The following RPAP3 variants were observed in gnomAD, a reference collection of about 807,000 sequenced individuals.
The protein encoded by RPAP3 is RNA polymerase II-associated protein 3.
Under a neutral mutation model 88.8 loss-of-function variants are expected in RPAP3, and 58 were observed. That is an observed-to-expected ratio of 0.65 (90% confidence interval 0.53 to 0.81). The LOEUF is 0.81. RPAP3 is among the 40% of genes least tolerant of loss of function. RPAP3 has a pLI of 0.00. For missense variants in RPAP3, 751 were observed against 764.3 expected (o/e 0.98, Z 0.20); for synonymous variants, 255 against 259.9 (o/e 0.98, Z 0.18).
At chr12:47,701,978 C>T (rs575013820) in intron 2 of RPAP3, among the ~76,000 whole-genome samples, 1 of 152,274 alleles carries the variant, frequency 6.6e-6, no homozygotes, top group East Asian at 1.9e-4. Context: ...AAAAACCCAG[C>T]CATATTTAAA....
intron 13 of RPAP3, among the ~76,000 whole-genome samples, chr12:47,669,357 T>C (rs1194293249): frequency 6.6e-6 from 1 of 152,184 alleles, no homozygotes; most frequent in African/African-American, 2.4e-5. Flanking sequence ...TATCCACCTT[T>C]TGAGTATACC....
intron 15 of RPAP3, 70 bp downstream of exon 15, chr12:47,667,684 G>T: frequency 5.4e-6 from 4 of 743,166 alleles, no homozygotes; most frequent in Non-Finnish European, 6.7e-6. Context: ...AATTAAAATT[G>T]CAGTTTCCAA....
intron 5 of RPAP3, among the ~76,000 whole-genome samples, chr12:47,694,323 G>A: frequency 6.6e-6 from 1 of 152,214 alleles, no homozygotes; most frequent in East Asian, 1.9e-4. Flanking sequence ...ACGGGGGAAA[G>A]TAGGGCTATT....
chr12:47,703,696 T>C (rs1939704984), intron 1 of RPAP3, among the ~76,000 whole-genome samples: 1 of 150,772 alleles, frequency 6.6e-6, no homozygotes, highest in Admixed American at 6.6e-5. Context: ...GCAGGCAGAG[T>C]GAGGAATTAT....
intron 6 of RPAP3, among the ~76,000 whole-genome samples, chr12:47,689,807 C>T (rs1352484128): frequency 6.6e-6 from 1 of 152,044 alleles, no homozygotes; most frequent in Non-Finnish European, 1.5e-5. Context: ...TTTGGGAGGC[C>T]GAGGTGGGCA....
chr12:47,686,971 A>T (rs1219285266), intron 8 of RPAP3, 64 bp from the exon 9 acceptor site: 2 of 1,019,188 alleles, frequency 2.0e-6, no homozygotes, highest in Non-Finnish European at 1.4e-6. Context: ...AATGAATTCA[A>T]ATCTTATGAA....
At chr12:47,671,358 G>C (rs1173105679) in intron 12 of RPAP3, among the ~76,000 whole-genome samples, 1 of 152,140 alleles carries the variant, frequency 6.6e-6, no homozygotes, top group Non-Finnish European at 1.5e-5. Context: ...TTAGAAAAGA[G>C]AAGAAAACTT....
At chr12:47,678,188 C>T (rs1448414323) in intron 12 of RPAP3, among the ~76,000 whole-genome samples, 1 of 152,144 alleles carries the variant, frequency 6.6e-6, no homozygotes, top group Non-Finnish European at 1.5e-5. Context: ...GGAAAACTGG[C>T]TAGCCATATG....
chr12:47,680,093 T>C (rs1254705371), intron 10 of RPAP3, among the ~76,000 whole-genome samples: 2 of 152,122 alleles, frequency 1.3e-5, no homozygotes, highest in Non-Finnish European at 1.5e-5. Flanking sequence ...AAAATATTAA[T>C]AGAATAAGAG....
chr12:47,690,090 TTAAA>T (rs1939401207), intron 6 of RPAP3, among the ~76,000 whole-genome samples: 1 of 151,124 alleles, frequency 6.6e-6, no homozygotes, highest in Non-Finnish European at 1.5e-5. Context: ...CAAAATCCAA[TTAAA>T]TATCAGCTTT....
intron 12 of RPAP3, among the ~76,000 whole-genome samples, chr12:47,673,795 A>C (rs1249840647): frequency 6.6e-6 from 1 of 151,986 alleles, no homozygotes; most frequent in East Asian, 1.9e-4. Context: ...TTATTCTCTA[A>C]ATTATAATTT....
At chr12:47,690,449 A>G (rs1022156369) in intron 6 of RPAP3, 69 bp downstream of exon 6, 12 of 1,273,758 alleles carry the variant, frequency 9.4e-6, no homozygotes, top group Non-Finnish European at 1.3e-5. Context: ...GTGATTACTC[A>G]GTATTCTCCA....
At chr12:47,668,392 A>G (rs549584479) in intron 14 of RPAP3, among the ~76,000 whole-genome samples, 32 of 152,350 alleles carry the variant, frequency 2.1e-4, no homozygotes, top group African/African-American at 7.7e-4. Context: ...AAAGGCTCTC[A>G]AAGAGCAATA....
At chr12:47,689,950 G>GA (rs760551721) in intron 6 of RPAP3, among the ~76,000 whole-genome samples, 47 of 149,214 alleles carry the variant, frequency 3.1e-4, no homozygotes, top group Non-Finnish European at 5.8e-4. Context: ...CTGAGGCAGA[G>GA]AAAATCATTT....
intron 9 of RPAP3, among the ~76,000 whole-genome samples, chr12:47,682,894 A>G (rs1939253065): frequency 6.6e-6 from 1 of 152,154 alleles, no homozygotes; most frequent in Non-Finnish European, 1.5e-5. Flanking sequence ...TGATTATATC[A>G]TTCAAGATAC....
chr12:47,675,749 T>C (rs1939099756), intron 12 of RPAP3, among the ~76,000 whole-genome samples: 1 of 152,030 alleles, frequency 6.6e-6, no homozygotes, highest in African/African-American at 2.4e-5. Context: ...ATAAAGCAAG[T>C]CCTTAGAGAC....
In RPAP3 at chr12:47,685,347, CCAG is replaced by C. The variant is rs1259244155; in HGVS notation, c.992+1430_992+1432del. On this transcript the variant is annotated intron_variant, in intron 9 of 16. Coordinates refer to ENST00000005386, the MANE Select transcript of RPAP3 (RefSeq NM_024604.3). ...TGAGCCAAAATTACACCACTGCACT[CCAG>C]CCTGGGTGACAGAGGGGGACTCTGT... Among the ~76,000 whole-genome samples, 3 of 150,282 alleles carry C rather than the reference CCAG, an allele frequency of 2.0e-5. No homozygotes were observed. In the East Asian group the frequency reaches 5.8e-4, roughly 29 times the overall value.
chr12:47,667,717 G>C (rs936103197), intron 15 of RPAP3, 37 bp downstream of exon 15: 2 of 1,128,346 alleles, frequency 1.8e-6, no homozygotes, highest in Admixed American at 4.1e-5. Context: ...AACATTAAGT[G>C]AGGACTTACT....
intron 12 of RPAP3, among the ~76,000 whole-genome samples, chr12:47,673,067 A>G (rs1053467072): frequency 6.6e-6 from 1 of 152,204 alleles, no homozygotes; most frequent in Non-Finnish European, 1.5e-5. Flanking sequence ...GTAAATAAAT[A>G]TATGAAAATG....
Sources: gnomAD v4.1 joint callset for allele counts (sites outside exome capture counted in the v4.1 genomes callset) on GRCh38, gnomAD v4.1.1 for gene constraint, MANE v1.5 for transcripts, NCBI Gene and HGNC (gene_info 2026-07-23, HGNC 2026-07-21) for gene names.